The following GNG4 variants were observed in gnomAD, a reference collection of about 807,000 sequenced individuals.
GNG4 encodes the protein guanine nucleotide-binding protein G(I)/G(S)/G(O) subunit gamma-4.
In GNG4, 4 loss-of-function variants were observed where a neutral mutation model predicts 5.8. The observed-to-expected ratio is 0.69, with a 90% CI of 0.34 to 1.57. GNG4 has a LOEUF of 1.57. Among genes scored for constraint, GNG4 ranks in the 40% most tolerant of loss-of-function variants. The pLI, the probability that GNG4 is intolerant of heterozygous loss-of-function variation, is 0.06. For synonymous variants in GNG4, 29 were observed against 32.9 expected (o/e 0.88, Z 0.41); for missense variants, 96 against 95.1 (o/e 1.01, Z -0.04).
chr1:235,638,969 T>A (rs988444496), intron 1 of GNG4, among the ~76,000 whole-genome samples: 3 of 152,168 alleles, frequency 2.0e-5, no homozygotes, highest in African/African-American at 7.2e-5. Flanking sequence ...TAAACATACA[T>A]GTGCATGTGT....
At chr1:235,603,000 G>A (rs919587030) in intron 1 of GNG4, among the ~76,000 whole-genome samples, 1 of 152,176 alleles carries the variant, frequency 6.6e-6, no homozygotes, top group East Asian at 1.9e-4. Flanking sequence ...TGTAATCCCA[G>A]CACTTTGGGA....
Position 235,644,834 on chromosome 1 carries a change from C to A in GNG4, c.-123+4828G>T, listed in dbSNP as rs150750370. Reference sequence around the variant, plus strand: ...GGGCAGGGCAGATGGCTCCTCAGATCGGGCTGGAGAGACATCCAGGAGGAG... The same window carrying A: ...GGGCAGGGCAGATGGCTCCTCAGATAGGGCTGGAGAGACATCCAGGAGGAG... On this transcript the variant is annotated intron_variant, in intron 1 of 3. Coordinates refer to ENST00000391854, the MANE Select transcript of GNG4 (RefSeq NM_001098722.2). The surrounding 1 kb of genome is among the most constrained non-coding windows in gnomAD (Gnocchi z 5.9). Among the ~76,000 whole-genome samples the A allele has an allele frequency of 3.8e-4, 58 of 152,254 alleles. No homozygotes were observed. The highest frequency in any genetic ancestry group is 1.0e-3 in the Admixed American group (16 of 15,300).
intron 3 of GNG4, 98 bp from the exon 4 acceptor site, chr1:235,552,335 T>G: frequency 2.7e-6 from 3 of 1,100,158 alleles, no homozygotes; most frequent in Non-Finnish European, 4.1e-6. Context: ...AGCCCTAGGG[T>G]AGGCTGTATT....
chr1:235,571,734 A>G (rs938708292), intron 3 of GNG4, among the ~76,000 whole-genome samples: 2 of 152,220 alleles, frequency 1.3e-5, no homozygotes, highest in African/African-American at 4.8e-5. Flanking sequence ...GTGTACTTCT[A>G]CAAACCTAGA....
At chr1:235,637,553 C>T (rs1328521601) in intron 1 of GNG4, among the ~76,000 whole-genome samples, 1 of 150,808 alleles carries the variant, frequency 6.6e-6, no homozygotes, top group Non-Finnish European at 1.5e-5. Context: ...CTAGGGGAGG[C>T]TAAAGCATGA....
chr1:235,627,249 G>A (rs532391364), intron 1 of GNG4, among the ~76,000 whole-genome samples: 94 of 152,044 alleles, frequency 6.2e-4, no homozygotes, highest in African/African-American at 2.2e-3. Context: ...TTGAGACAGA[G>A]TCTCGCTCTG....
chr1:235,560,390 C>T (rs1220827180), intron 3 of GNG4, among the ~76,000 whole-genome samples: 1 of 152,098 alleles, frequency 6.6e-6, no homozygotes, highest in Admixed American at 6.5e-5. Flanking sequence ...TTTTCTCTCT[C>T]TGCCTCTCTC....
intron 1 of GNG4, among the ~76,000 whole-genome samples, chr1:235,618,369 G>A (rs1375455473): frequency 6.6e-6 from 1 of 152,292 alleles, no homozygotes; most frequent in African/African-American, 2.4e-5. Context: ...GAAAATGGAC[G>A]GATATACTTG....
chr1:235,624,009 T>C (rs915247267), intron 1 of GNG4, among the ~76,000 whole-genome samples: 6 of 152,142 alleles, frequency 3.9e-5, no homozygotes, highest in African/African-American at 1.4e-4. Flanking sequence ...AGCCTTTGCC[T>C]GGCCAGAGTA....
intron 3 of GNG4, among the ~76,000 whole-genome samples, chr1:235,553,555 C>A (rs1686812698): frequency 6.6e-6 from 1 of 152,192 alleles, no homozygotes. Flanking sequence ...AAAATTGGCT[C>A]ATCTTTCAGC....
intron 1 of GNG4, among the ~76,000 whole-genome samples, chr1:235,598,970 G>T (rs186035714): frequency 2.6e-5 from 4 of 152,158 alleles, no homozygotes; most frequent in Admixed American, 2.0e-4. Context: ...CAAGTGATCC[G>T]CCTGCCTTGG....
intron 2 of GNG4, among the ~76,000 whole-genome samples, chr1:235,587,707 T>G (rs1687847184): frequency 1.5e-5 from 1 of 65,952 alleles, no homozygotes; most frequent in Non-Finnish European, 3.2e-5. Flanking sequence ...TGTCTGTGTG[T>G]GAGGGTGTGT....
intron 1 of GNG4, among the ~76,000 whole-genome samples, chr1:235,636,109 T>C (rs547331979): frequency 5.9e-5 from 9 of 152,288 alleles, no homozygotes; most frequent in African/African-American, 2.2e-4. Flanking sequence ...AGGGAGGAAC[T>C]GGCTCTCTCT....
At chr1:235,606,924 C>A (rs1688373722) in intron 1 of GNG4, among the ~76,000 whole-genome samples, 1 of 150,916 alleles carries the variant, frequency 6.6e-6, no homozygotes, top group Non-Finnish European at 1.5e-5. Flanking sequence ...CCTTCCCTCC[C>A]TCCCTCCTTC....
In GNG4 at chr1:235,547,739, T is replaced by G. The variant is rs1469837225; in HGVS notation, c.*4370A>C. On this transcript the variant is annotated 3_prime_UTR_variant, in exon 4 of 4. Coordinates refer to ENST00000391854, the MANE Select transcript of GNG4 (RefSeq NM_001098722.2). ...GAAGTATAACATACACACAGAAAAG[T>G]GCCCAGATCAAAAGTGTACAGCTCC... 6.6e-6 allele frequency: 1 copy of G among 151,986 alleles called. No homozygotes were observed. Among genetic ancestry groups the G allele is most frequent in the African/African-American group, 2.4e-5 (1 of 41,380 alleles). 9.4% of individuals were successfully genotyped at this position (151,986 alleles called of 1,614,324 possible).
At position 235,627,794 on chromosome 1, in the gene GNG4, G is replaced by T. The variant is rs562549081; in HGVS notation, c.-123+21868C>A. On this transcript the variant is annotated intron_variant, in intron 1 of 3. Coordinates refer to ENST00000391854, the MANE Select transcript of GNG4 (RefSeq NM_001098722.2). ...ACTGAACTCTTTGAAAGGAAAATCAGGATCCTTAGTTTCAACCATGAGACT... is the reference window on the plus strand; with the variant it reads ...ACTGAACTCTTTGAAAGGAAAATCATGATCCTTAGTTTCAACCATGAGACT... Among the ~76,000 whole-genome samples the T allele has an allele frequency of 1.5e-4, 23 of 152,256 alleles. 1 individual carries two copies. Among genetic ancestry groups the T allele is most frequent in the Non-Finnish European group, 3.1e-4 (21 of 68,022 alleles).
intron 3 of GNG4, among the ~76,000 whole-genome samples, chr1:235,573,593 C>T (rs1687403061): frequency 6.6e-6 from 1 of 152,066 alleles, no homozygotes; most frequent in East Asian, 1.9e-4. Flanking sequence ...CTGGGTAACA[C>T]AGTGAAACCC....
intron 1 of GNG4, among the ~76,000 whole-genome samples, chr1:235,604,809 C>G (rs1688325541): frequency 6.6e-6 from 1 of 152,072 alleles, no homozygotes; most frequent in Non-Finnish European, 1.5e-5. Context: ...AGTCAGGAAC[C>G]CAGAAATGTG....
intron 1 of GNG4, among the ~76,000 whole-genome samples, chr1:235,629,659 T>C (rs112652388): frequency 0.028 from 4,262 of 151,752 alleles, 206 homozygotes; most frequent in African/African-American, 0.095. Context: ...TGCAGTGGCA[T>C]GATCTCGGCT....
Sources: gnomAD v4.1 joint callset for allele counts (sites outside exome capture counted in the v4.1 genomes callset) on GRCh38, gnomAD v4.1.1 for gene constraint, Gnocchi (gnomAD v3.1) non-coding constraint, MANE v1.5 for transcripts, NCBI Gene and HGNC (gene_info 2026-07-23, HGNC 2026-07-21) for gene names.